SLC9C2: variants seen among roughly 807,000 people sequenced by gnomAD.
The protein encoded by SLC9C2 is solute carrier family 9 member C2 (putative), also known as sodium/hydrogen exchanger 11.
Under a neutral mutation model 140.2 loss-of-function variants are expected in SLC9C2, and 75 were observed. The observed-to-expected ratio is 0.53, with a 90% CI of 0.44 to 0.65. The LOEUF is 0.65. SLC9C2 is among the 30% of genes least tolerant of loss of function. SLC9C2 has a pLI of 0.00. For synonymous variants in SLC9C2, 375 were observed against 420.9 expected (o/e 0.89, Z 1.34); for missense variants, 1,074 against 1,331.8 (o/e 0.81, Z 3.01).
At chr1:173,593,969 T>C (rs967470713) in intron 4 of SLC9C2, among the ~76,000 whole-genome samples, 1 of 152,102 alleles carries the variant, frequency 6.6e-6, no homozygotes, top group East Asian at 1.9e-4. Context: ...GAAAGTGAAA[T>C]GGTGGATAAA....
intron 11 of SLC9C2, among the ~76,000 whole-genome samples, chr1:173,549,984 C>T (rs927869731): frequency 6.6e-6 from 1 of 152,166 alleles, no homozygotes; most frequent in Non-Finnish European, 1.5e-5. Context: ...GGGTCAGGAT[C>T]CCTGGCAGCC....
chr1:173,598,415 G>A (rs1666565203), intron 3 of SLC9C2, among the ~76,000 whole-genome samples: 1 of 152,200 alleles, frequency 6.6e-6, no homozygotes, highest in Non-Finnish European at 1.5e-5. Context: ...ATGAGGGAAA[G>A]AATCTTAAAC....
intron 14 of SLC9C2, 137 bp downstream of exon 14, chr1:173,536,805 A>AC (rs1180122175): frequency 6.3e-6 from 4 of 638,740 alleles, no homozygotes; most frequent in African/African-American, 1.8e-5. Flanking sequence ...AGACAGATGG[A>AC]CAGACAGAAG....
At position 173,506,879 on chromosome 1, in the gene SLC9C2, T is replaced by G; in HGVS notation, c.3202A>C (p.Ile1068Leu). 1 of 1,613,678 alleles carries G rather than the reference T, an allele frequency of 6.2e-7. No homozygotes were observed. The highest frequency in any genetic ancestry group is 2.2e-5 in the East Asian group (1 of 44,860). ...ACCTGCTCACAGGTTGTAGGTATAA[T>G]GCAAGGTGCAAAATATGGTTCCTCT... Reference protein sequence around the residue: ...KTEEPYFAPCIIPTTCEQVQG... With the variant: ...KTEEPYFAPCLIPTTCEQVQG... The change falls in exon 25 of 28, where the codon ATT (isoleucine) becomes CTT (leucine). Residue 1068 changes from isoleucine to leucine, a missense_variant. Coordinates refer to ENST00000367714, the MANE Select transcript of SLC9C2 (RefSeq NM_178527.4).
chr1:173,586,629 C>G (rs1042168758), intron 5 of SLC9C2, among the ~76,000 whole-genome samples: 8 of 152,190 alleles, frequency 5.3e-5, no homozygotes, highest in African/African-American at 1.9e-4. Context: ...GGAACCAACC[C>G]AAATGCCCAT....
Position 173,602,888 on chromosome 1 carries a change from A to G in SLC9C2, c.-217T>C, listed in dbSNP as rs950417954. ...TCCAGTAGCCCTTCAGGTCCTTGGC[A>G]TCTTCAACTCCTGCTATCCTCACAT... On this transcript the variant is annotated 5_prime_UTR_variant, in exon 1 of 28. It removes an upstream start codon present in the reference 5' UTR. Coordinates refer to ENST00000367714, the MANE Select transcript of SLC9C2 (RefSeq NM_178527.4). 1 of 152,202 alleles carries G rather than the reference A, an allele frequency of 6.6e-6. No homozygotes were observed. The highest frequency in any genetic ancestry group is 1.5e-5 in the Non-Finnish European group (1 of 68,032). The allele number at this position is 152,202 out of a possible 1,614,324, so 9.4% of individuals were successfully genotyped here.
chr1:173,583,622 C>T lies in SLC9C2; in HGVS notation c.524G>A (p.Gly175Asp). ...GAGATCAATGTATATTTTAGAAATG[C>T]CTGAAAAAGGAAATACAAAATGTAA... ...LRSVNSLKTI[G>D]ISKIYIDLIR... The change falls in exon 6 of 28, where the codon GGC (glycine) becomes GAC (aspartate). Residue 175 changes from glycine (G) to aspartate (D), a missense_variant and splice_region_variant. Coordinates refer to ENST00000367714, the MANE Select transcript of SLC9C2 (RefSeq NM_178527.4). 6.8e-7 allele frequency: 1 copy of T among 1,462,858 alleles called. No individual in the cohort carries two copies. The highest frequency in any genetic ancestry group is 9.3e-7 in the Non-Finnish European group (1 of 1,073,234). 90.6% of individuals were successfully genotyped at this position (1,462,858 alleles called of 1,614,324 possible).
In SLC9C2 at chr1:173,536,774, T is replaced by C. The variant is rs551327004; in HGVS notation, c.1655+168A>G. On this transcript the variant is annotated intron_variant, in intron 14 of 27. Coordinates refer to ENST00000367714, the MANE Select transcript of SLC9C2 (RefSeq NM_178527.4). ...ATAAACCAATAAAATAAAAAGCAGA[T>C]GGATAGATGGATGGAAGGACAGACA... is the stretch of plus-strand genomic sequence containing the variant. Among the ~76,000 whole-genome samples the C allele has an allele frequency of 1.7e-4, 26 of 151,988 alleles. No individual in the cohort carries two copies. The East Asian group carries it at 5.0e-3, about 29-fold the overall frequency.
At chr1:173,537,974 C>T (rs1172547280) in intron 13 of SLC9C2, among the ~76,000 whole-genome samples, 1 of 152,188 alleles carries the variant, frequency 6.6e-6, no homozygotes, top group Non-Finnish European at 1.5e-5. Flanking sequence ...CCAACCACTA[C>T]TGCATTTAAC....
intron 4 of SLC9C2, among the ~76,000 whole-genome samples, chr1:173,589,634 T>A (rs558103773): frequency 6.6e-6 from 1 of 152,246 alleles, no homozygotes; most frequent in East Asian, 1.9e-4. Context: ...TTTTTAGGAA[T>A]TTCCCATTTT....
At chr1:173,579,741 T>C (rs1179182504) in intron 7 of SLC9C2, among the ~76,000 whole-genome samples, 2 of 152,258 alleles carry the variant, frequency 1.3e-5, no homozygotes, top group African/African-American at 4.8e-5. Flanking sequence ...TTGAGCTGAA[T>C]TGATCAGCTT....
At chr1:173,523,219 A>G (rs1346608624) in intron 21 of SLC9C2, among the ~76,000 whole-genome samples, 1 of 152,082 alleles carries the variant, frequency 6.6e-6, no homozygotes, top group African/African-American at 2.4e-5. Flanking sequence ...TGAAAATACA[A>G]AAATTAGCTG....
chr1:173,506,990 A>C lies in SLC9C2; in HGVS notation c.3091T>G (p.Leu1031Val). The C allele has an allele frequency of 1.2e-6, 2 of 1,610,478 alleles. No homozygotes were observed. The highest frequency in any genetic ancestry group is 1.7e-6 in the Non-Finnish European group (2 of 1,178,930). The change falls in exon 25 of 28, where the codon TTA becomes GTA. Residue 1031 changes from leucine (L) to valine (V), a missense_variant. Transcript: ENST00000367714. ...VMFNQAYVET[L>V]SSYSDMIIDN... The stretch of plus-strand genomic sequence containing the variant: ...ATAATCATGTCACTATAGCTTGATA[A>C]AGTTTCCACATATGCTTGATTGAAC...
intron 9 of SLC9C2, among the ~76,000 whole-genome samples, chr1:173,562,114 C>T (rs1305997463): frequency 6.6e-6 from 1 of 152,094 alleles, no homozygotes; most frequent in Non-Finnish European, 1.5e-5. Context: ...GAAAAAAATT[C>T]ATTAAGGTCA....
chr1:173,550,872 AAGAG>A (rs143296396), intron 11 of SLC9C2, among the ~76,000 whole-genome samples: 947 of 86,450 alleles, frequency 0.011, 10 homozygotes, highest in African/African-American at 0.03. Context: ...GAGCCGTTGA[AAGAG>A]AGAGAGAGAG....
Position 173,529,990 on chromosome 1 carries a change from T to C in SLC9C2, c.2228A>G (p.Tyr743Cys), listed in dbSNP as rs1335053133. ...TTTGATATAGCCTTTTGTAATACTA[T>C]ACATCAAGCTGAGGCGCTTTTTGAT... is the stretch of plus-strand genomic sequence containing the variant. ...VQIKKRLSLM[Y>C]SITKGYIKSQ... Residue 743 changes from tyrosine to cysteine, a missense_variant, in exon 18 of 28, where the codon TAT (tyrosine) becomes TGT (cysteine). Physicochemically the swap from Tyr to Cys is radical, Grantham distance 194. Coordinates refer to ENST00000367714, the MANE Select transcript of SLC9C2 (RefSeq NM_178527.4). The C allele has an allele frequency of 2.5e-6, 4 of 1,613,584 alleles. No homozygotes were observed. Among genetic ancestry groups the C allele is most frequent in the Admixed American group, 1.7e-5 (1 of 59,916 alleles).
chr1:173,572,859 CA>C (rs1223271077), intron 9 of SLC9C2, among the ~76,000 whole-genome samples: 2 of 152,172 alleles, frequency 1.3e-5, no homozygotes, highest in Non-Finnish European at 2.9e-5. Context: ...AACATGCATA[CA>C]AACTACCTGA....
chr1:173,518,787 T>C (rs1208406893), intron 22 of SLC9C2, among the ~76,000 whole-genome samples: 1 of 152,176 alleles, frequency 6.6e-6, no homozygotes, highest in Non-Finnish European at 1.5e-5. Flanking sequence ...TTGAATTTGT[T>C]TTTAATGGCT....
At chr1:173,535,765 A>C in intron 15 of SLC9C2, 65 bp downstream of exon 15, 1 of 1,424,324 alleles carries the variant, frequency 7.0e-7, no homozygotes, top group Non-Finnish European at 9.3e-7. Context: ...GAGATAAGCT[A>C]TTATGACAAT....
Sources: allele counts gnomAD v4.1 joint callset (sites outside exome capture counted in the v4.1 genomes callset), GRCh38; gene constraint gnomAD v4.1.1; transcripts MANE v1.5; gene names NCBI Gene and HGNC (gene_info 2026-07-23, HGNC 2026-07-21).